The following ZNF114 variants were observed in gnomAD, a reference collection of about 807,000 sequenced individuals.
ZNF114 encodes zinc finger protein 114.
In ZNF114, 8 loss-of-function variants were observed where a neutral mutation model predicts 6.8. The ratio of observed to expected loss-of-function variants is 1.18; its 90% CI spans 0.69 to 2.13. ZNF114 has a LOEUF of 2.13. ZNF114 is among the 30% of genes most tolerant of loss of function. ZNF114 has a pLI of 0.00. For synonymous variants in ZNF114, 169 were observed against 185.5 expected (o/e 0.91, Z 0.72); for missense variants, 472 against 519.5 (o/e 0.91, Z 0.89).
Position 48,285,913 on chromosome 19 carries a change from G to C in ZNF114, c.289G>C (p.Glu97Gln). The C allele has an allele frequency of 6.2e-7, 1 of 1,614,106 alleles. No homozygotes were observed. Among genetic ancestry groups the C allele is most frequent in the Non-Finnish European group, 8.5e-7 (1 of 1,180,034 alleles). The change falls in exon 6 of 6, where the codon GAA becomes CAA. Residue 97 changes from glutamate (E) to glutamine (Q), a missense_variant. Glu to Gln is a conservative substitution (Grantham distance 29). Transcript: ENST00000595607. ...AGACTGGAGATGCCCCAAAACAGAGGAACCACACAGGCAGGGGGTGAATAA... is the reference window on the plus strand; with the variant it reads ...AGACTGGAGATGCCCCAAAACAGAGCAACCACACAGGCAGGGGGTGAATAA... ...REDWRCPKTE[E>Q]PHRQGVNNVK... is the part of the protein sequence containing the mutation.
At chr19:48,272,621 C>CTTTTTTTTTTTTTTTGAGAG (rs1568989041) in intron 3 of ZNF114, among the ~76,000 whole-genome samples, 2 of 124,834 alleles carry the variant, frequency 1.6e-5, no homozygotes, top group African/African-American at 6.4e-5. Flanking sequence ...TTGCAGTGAG[C>CTTTTTTTTTTTTTTTGAGAG]CGAGATCGTG....
At chr19:48,277,600 G>T (rs138683122) in intron 3 of ZNF114, among the ~76,000 whole-genome samples, 1 of 152,080 alleles carries the variant, frequency 6.6e-6, no homozygotes, top group Non-Finnish European at 1.5e-5. Context: ...AAATCCGGCC[G>T]CTGGGAGACG....
chr19:48,286,455 G>A lies in ZNF114; in HGVS notation c.831G>A (p.Lys277=), dbSNP rs561773787. 6.8e-6 allele frequency: 11 copies of A among 1,614,170 alleles called. No individual in the cohort carries two copies. Among genetic ancestry groups the A allele is most frequent in the Middle Eastern group, 1.6e-4 (1 of 6,062 alleles). The change falls in exon 6 of 6, where the codon AAG becomes AAA. Residue 277 remains lysine (K), a synonymous_variant. Coordinates refer to ENST00000595607, the MANE Select transcript of ZNF114 (RefSeq NM_153608.4). ...MQLYTAETNK[K]DCQTGATSAN... ...TGTATACCGCAGAGACAAACAAGAA[G>A]GATTGTCAAACTGGGGCAACCTCTG...
chr19:48,281,143 A>G (rs1967977445), intron 4 of ZNF114, among the ~76,000 whole-genome samples: 1 of 152,208 alleles, frequency 6.6e-6, no homozygotes, highest in Middle Eastern at 3.4e-3. Flanking sequence ...ACCCTGTCTC[A>G]GAAGAAAGAG....
intron 4 of ZNF114, 112 bp downstream of exon 4, chr19:48,279,920 C>CT: frequency 6.6e-7 from 1 of 1,518,856 alleles, no homozygotes; most frequent in Non-Finnish European, 9.1e-7. Context: ...GCAGGGCCCC[C>CT]CGCCAGCCGT....
chr19:48,279,225 T>G (rs1466687338), intron 3 of ZNF114, among the ~76,000 whole-genome samples: 4 of 150,064 alleles, frequency 2.7e-5, no homozygotes, highest in Non-Finnish European at 5.9e-5. Context: ...TGAGACCCCA[T>G]CTCTATGAAA....
In ZNF114 at chr19:48,286,424, T is replaced by C. The variant is rs1357019116; in HGVS notation, c.800T>C (p.Met267Thr). The C allele has an allele frequency of 6.2e-7, 1 of 1,614,220 alleles. No individual in the cohort carries two copies. Among genetic ancestry groups the C allele is most frequent in the Non-Finnish European group, 8.5e-7 (1 of 1,180,046 alleles). ...SRNNSIHAMQMQLYTAETNKK... is the reference protein window; with the variant it reads ...SRNNSIHAMQTQLYTAETNKK... ...AATAACTCAATTCACGCCATGCAGA[T>C]GCAGTTGTATACCGCAGAGACAAAC... The change falls in exon 6 of 6, where the codon ATG (methionine) becomes ACG (threonine). Residue 267 changes from methionine (M) to threonine (T), a missense_variant. Physicochemically the swap from Met to Thr is moderately conservative, Grantham distance 81 (BLOSUM62 -1). Transcript: ENST00000595607.
Position 48,286,124 on chromosome 19 carries a change from G to C in ZNF114, c.500G>C (p.Ser167Thr). ...IFKYNPVLND[S>T]QKTHENNEDD... Reference sequence around the variant, plus strand: ...AAGTATAATCCTGTCTTAAACGATAGTCAAAAAACACATGAAAACAACGAA... The same window carrying C: ...AAGTATAATCCTGTCTTAAACGATACTCAAAAAACACATGAAAACAACGAA... Residue 167 changes from serine to threonine, a missense_variant, in exon 6 of 6, where the codon AGT (serine) becomes ACT (threonine). Ser to Thr is a moderately conservative substitution (Grantham distance 58). Coordinates refer to ENST00000595607, the MANE Select transcript of ZNF114 (RefSeq NM_153608.4). 6.2e-7 allele frequency: 1 copy of C among 1,614,186 alleles called. No individual in the cohort carries two copies. Among genetic ancestry groups the C allele is most frequent in the Non-Finnish European group, 8.5e-7 (1 of 1,180,040 alleles).
intron 3 of ZNF114, among the ~76,000 whole-genome samples, chr19:48,275,419 A>AACACACACACACACACACACACACACAC (rs58275965): frequency 7.5e-5 from 10 of 133,116 alleles, no homozygotes; most frequent in African/African-American, 9.0e-5. Context: ...TCTCTACTAA[A>AACACACACACACACACACACACACACAC]ACACACACAC....
chr19:48,279,956 C>A, intron 4 of ZNF114, 148 bp downstream of exon 4: 2 of 1,168,814 alleles, frequency 1.7e-6, no homozygotes, highest in Admixed American at 2.0e-5. Context: ...TGCACCTCTG[C>A]TTGGAGAGAG....
intron 3 of ZNF114, among the ~76,000 whole-genome samples, chr19:48,275,458 A>ACACACAC (rs1600837639): frequency 7.6e-5 from 11 of 145,144 alleles, no homozygotes; most frequent in South Asian, 2.2e-4. Context: ...ACACACACAC[A>ACACACAC]AAATAGCCAG....
At chr19:48,272,531 T>C (rs1163500026) in intron 3 of ZNF114, among the ~76,000 whole-genome samples, 2 of 142,624 alleles carry the variant, frequency 1.4e-5, no homozygotes, top group South Asian at 2.3e-4. Flanking sequence ...GAGGTGGAGA[T>C]TGCAGTGAGC....
intron 1 of ZNF114, among the ~76,000 whole-genome samples, chr19:48,270,684 G>T (rs895816901): frequency 6.8e-6 from 1 of 146,300 alleles, no homozygotes; most frequent in South Asian, 2.2e-4. Context: ...AAAAAAGGAA[G>T]GAAGGAGGGA....
chr19:48,280,804 C>T (rs1432776649), intron 4 of ZNF114, among the ~76,000 whole-genome samples: 1 of 152,062 alleles, frequency 6.6e-6, no homozygotes, highest in Non-Finnish European at 1.5e-5. Flanking sequence ...CCGCCCACCT[C>T]GGCCTCCCAA....
intron 3 of ZNF114, among the ~76,000 whole-genome samples, chr19:48,277,910 A>C (rs1459869210): frequency 6.6e-6 from 1 of 151,636 alleles, no homozygotes; most frequent in Non-Finnish European, 1.5e-5. Context: ...CTTCCCAGTA[A>C]CATGAACACT....
At chr19:48,283,112 C>G (rs1968035098) in intron 5 of ZNF114, among the ~76,000 whole-genome samples, 1 of 151,974 alleles carries the variant, frequency 6.6e-6, no homozygotes, top group Non-Finnish European at 1.5e-5. Flanking sequence ...GCCTCCTGGG[C>G]TCAAGCAATT....
At chr19:48,282,312 T>A in intron 4 of ZNF114, 59 bp from the exon 5 acceptor site, 1 of 1,600,874 alleles carries the variant, frequency 6.2e-7, no homozygotes, top group Non-Finnish European at 8.5e-7. Context: ...GAGAAAGGGG[T>A]CACAGTTCAA....
At position 48,286,392 on chromosome 19, in the gene ZNF114, C is replaced by T; in HGVS notation, c.768C>T (p.Thr256=). The change falls in exon 6 of 6, where the codon ACC becomes ACT. Residue 256 remains threonine, a synonymous_variant. Transcript: ENST00000595607. The part of the protein sequence containing the change: ...KMYDFTQCEN[T]SRNNSIHAMQ... ...ATGATTTTACTCAGTGCGAGAACAC[C>T]TCCAGAAATAACTCAATTCACGCCA... 6.2e-7 allele frequency: 1 copy of T among 1,614,168 alleles called. No individual in the cohort carries two copies. Among genetic ancestry groups the T allele is most frequent in the East Asian group, 2.2e-5 (1 of 44,888 alleles).
Position 48,286,081 on chromosome 19 carries a change from C to T in ZNF114, c.457C>T (p.Arg153Cys), listed in dbSNP as rs541842771. The T allele has an allele frequency of 1.1e-4, 173 of 1,614,030 alleles. 1 individual carries two copies. The South Asian group carries it at 1.8e-3, about 17-fold the overall frequency. Residue 153 changes from arginine to cysteine, a missense_variant, in exon 6 of 6, where the codon CGT becomes TGT. Physicochemically the swap from Arg to Cys is radical, Grantham distance 180. Coordinates refer to ENST00000595607, the MANE Select transcript of ZNF114 (RefSeq NM_153608.4). Reference sequence around the variant, plus strand: ...TTCCATAAGACAATGTATCCTAACACGTGACTCAAGTATTTTCAAGTATAA... The same window carrying T: ...TTCCATAAGACAATGTATCCTAACATGTGACTCAAGTATTTTCAAGTATAA... ...GDSIRQCILT[R>C]DSSIFKYNPV...
Sources: gnomAD v4.1 joint callset for allele counts (sites outside exome capture counted in the v4.1 genomes callset) on GRCh38, gnomAD v4.1.1 for gene constraint, MANE v1.5 for transcripts, NCBI Gene and HGNC (gene_info 2026-07-23, HGNC 2026-07-21) for gene names.